LAMA2: variants seen among roughly 807,000 people sequenced by gnomAD.
The protein encoded by LAMA2 is laminin subunit alpha-2.
LAMA2 carries 269 observed loss-of-function variants against 364.8 expected under a neutral mutation model. That is an observed-to-expected ratio of 0.74 (90% CI 0.67 to 0.82). LAMA2 has a LOEUF of 0.82. Ranked by LOEUF, LAMA2 falls within the 40% of genes least tolerant of loss-of-function variation. The pLI is 0.00. For missense variants in LAMA2, 3,807 were observed against 3,873.2 expected, an observed-to-expected ratio of 0.98 and a Z score of 0.45; for synonymous variants, 1,379 against 1,370.6, an observed-to-expected ratio of 1.01 and a Z score of -0.14.
chr6:129,454,415 GA>G, intron 47 of LAMA2, 127 bp downstream of exon 47: 1 of 718,332 alleles, frequency 1.4e-6, no homozygotes, highest in Non-Finnish European at 2.4e-6. Flanking sequence ...ACATGTGTAT[GA>G]ATTTTATACA....
At chr6:128,966,143 A>T (rs1228736484) in intron 1 of LAMA2, among the ~76,000 whole-genome samples, 23 of 151,516 alleles carry the variant, frequency 1.5e-4, no homozygotes, top group Admixed American at 1.4e-3. Context: ...TCAAAACTAA[A>T]TTTTTTTTTA....
chr6:129,075,565 G>T (rs940673252), intron 3 of LAMA2, among the ~76,000 whole-genome samples: 1 of 152,146 alleles, frequency 6.6e-6, no homozygotes, highest in Admixed American at 6.5e-5. Flanking sequence ...AGAGATGATG[G>T]TAACTTGGAA....
chr6:129,375,519 A>G (rs772887920), intron 34 of LAMA2, among the ~76,000 whole-genome samples: 120 of 152,356 alleles, frequency 7.9e-4, no homozygotes, highest in Non-Finnish European at 1.5e-3. Flanking sequence ...TCCACTGGAT[A>G]CTTATTAATT....
intron 4 of LAMA2, among the ~76,000 whole-genome samples, chr6:129,131,730 G>T (rs1290815504): frequency 3.9e-5 from 6 of 152,158 alleles, no homozygotes; most frequent in Admixed American, 3.9e-4. Context: ...CCTAAACCTT[G>T]GGGTACTGTT....
intron 17 of LAMA2, among the ~76,000 whole-genome samples, chr6:129,275,699 A>G (rs1788264660): frequency 6.9e-6 from 1 of 145,614 alleles, no homozygotes; most frequent in South Asian, 2.2e-4. Flanking sequence ...TTAAATCAAC[A>G]TATCTTATTT....
intron 3 of LAMA2, 88 bp downstream of exon 3, chr6:129,059,984 G>T (rs562643638): frequency 5.2e-6 from 4 of 764,906 alleles, no homozygotes; most frequent in South Asian, 4.3e-5. Flanking sequence ...TGGGTGAAAG[G>T]ATACTCTTTC....
rs780193210 is a variant in LAMA2, at chr6:129,252,136, C to G, written c.1937C>G (p.Ser646Cys). 4 of 1,613,612 alleles carry G rather than the reference C, an allele frequency of 2.5e-6. No homozygotes were observed. In the Admixed American group the frequency reaches 6.7e-5, roughly 27 times the overall value. ...TAQDEVYLHP[S>C]EEHTNVLLLK... ...CAAGATGAGGTGTACCTGCACCCAT[C>G]TGAAGAACATACTAATGTATTGTTA... is the stretch of plus-strand genomic sequence containing the variant. Residue 646 changes from serine (S) to cysteine (C), a missense_variant, in exon 14 of 65, where the codon TCT becomes TGT. Ser to Cys is a moderately radical substitution (Grantham distance 112). Coordinates refer to ENST00000421865, the MANE Select transcript of LAMA2 (RefSeq NM_000426.4).
At chr6:129,179,806 G>A (rs1780823735) in intron 10 of LAMA2, among the ~76,000 whole-genome samples, 3 of 152,014 alleles carry the variant, frequency 2.0e-5, no homozygotes, top group African/African-American at 7.2e-5. Flanking sequence ...CAGAAAGCAA[G>A]TTTCATAAAA....
chr6:129,106,875 A>ATATATAT lies in LAMA2; in HGVS notation c.639+8460_639+8461insTATATAT, dbSNP rs59504944. On this transcript the variant is annotated intron_variant, in intron 4 of 64. Coordinates refer to ENST00000421865, the MANE Select transcript of LAMA2 (RefSeq NM_000426.4). ...CCTTACTCCTCCAAAAAAAAAAAAAAATATATATATATATACAATGCCCAG... is the reference window on the plus strand; with the variant it reads ...CCTTACTCCTCCAAAAAAAAAAAAAATATATATATATATATATATATACAATGCCCAG... Among the ~76,000 whole-genome samples the ATATATAT allele has an allele frequency of 4.5e-3, 645 of 142,602 alleles. 27 individuals carry two copies. In the East Asian group the frequency reaches 0.1, roughly 22 times the overall value. 93.6% of individuals were successfully genotyped at this position (142,602 alleles called of 152,430 possible).
chr6:129,401,439 T>G lies in LAMA2; in HGVS notation c.5562+99T>G, dbSNP rs1479544086. ...AAGCAAATACTAGTACTTGTTTTCT[T>G]GTGGAGATAAAATTATTTTTGCATT... On this transcript the variant is annotated intron_variant, in intron 38 of 64. Coordinates refer to ENST00000421865, the MANE Select transcript of LAMA2 (RefSeq NM_000426.4). 1.8e-5 allele frequency: 15 copies of G among 812,384 alleles called. No individual in the cohort carries two copies. In the Admixed American group the frequency reaches 2.6e-4, roughly 14 times the overall value. 50.3% of individuals were successfully genotyped at this position (812,384 alleles called of 1,614,324 possible). A position where few individuals can be genotyped will look rare whatever the true frequency, so the allele number is the denominator to read the frequency against.
intron 1 of LAMA2, among the ~76,000 whole-genome samples, chr6:128,897,406 G>A (rs921197909): frequency 2.0e-5 from 3 of 152,034 alleles, no homozygotes; most frequent in Admixed American, 6.6e-5. Flanking sequence ...AATTTTTTGA[G>A]TCATATAAGA....
At chr6:128,990,406 A>G (rs1010073209) in intron 1 of LAMA2, among the ~76,000 whole-genome samples, 6 of 152,208 alleles carry the variant, frequency 3.9e-5, no homozygotes, top group Non-Finnish European at 7.3e-5. Flanking sequence ...CCTAACAAAT[A>G]AAACATACAT....
chr6:128,935,199 G>A (rs765078121), intron 1 of LAMA2, among the ~76,000 whole-genome samples: 32 of 151,824 alleles, frequency 2.1e-4, no homozygotes, highest in Non-Finnish European at 4.3e-4. Flanking sequence ...TTATCCTAAT[G>A]CTATCCCTCC....
rs909308611 is a variant in LAMA2, at chr6:129,315,534, C to T, written c.3614C>T (p.Thr1205Met). 1.1e-5 allele frequency: 17 copies of T among 1,614,018 alleles called. No homozygotes were observed. Among genetic ancestry groups the T allele is most frequent in the African/African-American group, 8.0e-5 (6 of 74,906 alleles). The change falls in exon 25 of 65, where the codon ACG becomes ATG. Residue 1205 changes from threonine (T) to methionine (M), a missense_variant. Physicochemically the swap from Thr to Met is moderately conservative, Grantham distance 81 (BLOSUM62 -1). Coordinates refer to ENST00000421865, the MANE Select transcript of LAMA2 (RefSeq NM_000426.4). ...LPLVDEALQH[T>M]TTKGIVFQHP... The stretch of plus-strand genomic sequence containing the variant: ...CTGGTAGATGAGGCTCTGCAGCACA[C>T]GACCACCAAGGGCATTGTTTTTCAA...
intron 58 of LAMA2, among the ~76,000 whole-genome samples, chr6:129,498,625 T>C (rs1785379733): frequency 6.6e-6 from 1 of 152,144 alleles, no homozygotes; most frequent in Non-Finnish European, 1.5e-5. Context: ...AAGAAAATCA[T>C]GACAAATAAG....
Position 129,514,620 on chromosome 6 carries a change from A to C in LAMA2, c.9211+25A>C, listed in dbSNP as rs115946504. 5.7e-4 allele frequency: 880 copies of C among 1,555,156 alleles called. 4 individuals are homozygous for C. The African/African-American group carries it at 0.011, about 19-fold the overall frequency. ...GGTGAGTGTTGGCTACCCCAGCAAC[A>C]ATTTCTTTGCTCTCTTATGTTACTG... On this transcript the variant is annotated intron_variant, in intron 64 of 64. Coordinates refer to ENST00000421865, the MANE Select transcript of LAMA2 (RefSeq NM_000426.4).
intron 1 of LAMA2, among the ~76,000 whole-genome samples, chr6:129,011,742 C>A (rs955858388): frequency 3.9e-5 from 6 of 152,148 alleles, no homozygotes; most frequent in Non-Finnish European, 8.8e-5. Context: ...AGTAGGCAAG[C>A]TTTTCAACAA....
chr6:128,982,605 A>T (rs1224603839), intron 1 of LAMA2, among the ~76,000 whole-genome samples: 1 of 150,976 alleles, frequency 6.6e-6, no homozygotes, highest in African/African-American at 2.4e-5. Flanking sequence ...TTTTATTATT[A>T]TTTTATTTTA....
At chr6:129,465,523 A>C (rs968545845) in intron 51 of LAMA2, among the ~76,000 whole-genome samples, 3 of 151,950 alleles carry the variant, frequency 2.0e-5, no homozygotes, top group Non-Finnish European at 2.9e-5. Flanking sequence ...CTTAATTTGA[A>C]AGCATAAAAC....
Sources: allele counts gnomAD v4.1 joint callset (sites outside exome capture counted in the v4.1 genomes callset), GRCh38; gene constraint gnomAD v4.1.1; transcripts MANE v1.5; gene names NCBI Gene and HGNC (gene_info 2026-07-23, HGNC 2026-07-21).